The following DNAH7 variants were observed in gnomAD, a reference collection of about 807,000 sequenced individuals.
The protein encoded by DNAH7 is axonemal beta dynein heavy chain 7.
In DNAH7, 397 loss-of-function variants were observed where a neutral mutation model predicts 444.6. The observed-to-expected ratio is 0.89, with a 90% CI of 0.82 to 0.97. The LOEUF is 0.97. DNAH7 is among the 50% of genes least tolerant of loss of function. The pLI is 0.00. For missense variants in DNAH7, 4,902 were observed against 4,800.8 expected, an observed-to-expected ratio of 1.02 and a Z score of -0.62; for synonymous variants, 1,636 against 1,624.4, an observed-to-expected ratio of 1.01 and a Z score of -0.17.
At chr2:195,927,313 T>A (rs772602484) in intron 21 of DNAH7, among the ~76,000 whole-genome samples, 1 of 152,250 alleles carries the variant, frequency 6.6e-6, no homozygotes. Flanking sequence ...TCAGAAAAGA[T>A]TTCTTAGATT....
At chr2:196,058,001 TA>T in intron 2 of DNAH7, 52 bp downstream of exon 2, 1 of 1,309,738 alleles carries the variant, frequency 7.6e-7, no homozygotes, top group Non-Finnish European at 1.0e-6. Context: ...TGAAAAGTAG[TA>T]AACAAACATT....
chr2:195,790,477 A>AG (rs930586222), intron 57 of DNAH7, among the ~76,000 whole-genome samples: 57 of 151,784 alleles, frequency 3.8e-4, no homozygotes, highest in African/African-American at 1.2e-3. Context: ...AAAAAAAAAA[A>AG]AAAAGAAAAA....
At chr2:195,936,477 G>T in intron 20 of DNAH7, 122 bp downstream of exon 20, 1 of 577,390 alleles carries the variant, frequency 1.7e-6, no homozygotes, top group Non-Finnish European at 2.7e-6. Context: ...ATAATACTTG[G>T]AACATTCTTG....
At chr2:196,003,913 A>T in intron 10 of DNAH7, among the ~76,000 whole-genome samples, 1 of 152,190 alleles carries the variant, frequency 6.6e-6, no homozygotes. Flanking sequence ...TACTTTAAAA[A>T]TCAGTAATTG....
intron 57 of DNAH7, among the ~76,000 whole-genome samples, chr2:195,789,306 G>GA (rs534877231): frequency 1.1e-4 from 17 of 150,000 alleles, no homozygotes; most frequent in African/African-American, 4.9e-5. Context: ...CCATTGAGGG[G>GA]AAAAAAAAAG....
intron 1 of DNAH7, among the ~76,000 whole-genome samples, chr2:196,066,059 T>G (rs1451389447): frequency 6.6e-6 from 1 of 152,232 alleles, no homozygotes; most frequent in Non-Finnish European, 1.5e-5. Flanking sequence ...AAAATTAAAA[T>G]TGCTAAGGAG....
At chr2:195,817,459 C>A (rs1045379729) in intron 50 of DNAH7, among the ~76,000 whole-genome samples, 2 of 152,162 alleles carry the variant, frequency 1.3e-5, no homozygotes, top group Non-Finnish European at 2.9e-5. Context: ...AATACCCTGC[C>A]CTGACTTCTG....
At chr2:195,964,832 C>T (rs990007285) in intron 17 of DNAH7, among the ~76,000 whole-genome samples, 5 of 150,778 alleles carry the variant, frequency 3.3e-5, no homozygotes, top group East Asian at 1.9e-4. Flanking sequence ...GCCGAGGTCA[C>T]GCCACTTGCA....
intron 19 of DNAH7, among the ~76,000 whole-genome samples, chr2:195,956,624 C>T (rs1480863856): frequency 6.7e-6 from 1 of 149,246 alleles, no homozygotes; most frequent in Non-Finnish European, 1.5e-5. Flanking sequence ...GCACTCCAGC[C>T]TGGGTGACAG....
chr2:196,045,870 AAC>A (rs1327734010), intron 5 of DNAH7, among the ~76,000 whole-genome samples: 1 of 152,120 alleles, frequency 6.6e-6, no homozygotes, highest in Non-Finnish European at 1.5e-5. Flanking sequence ...ATAAATAGGA[AAC>A]ATAAAATACA....
chr2:195,962,632 G>A (rs1378114799), intron 17 of DNAH7, among the ~76,000 whole-genome samples: 1 of 152,214 alleles, frequency 6.6e-6, no homozygotes, highest in African/African-American at 2.4e-5. Flanking sequence ...TTAGAGGTGT[G>A]AGCCACTGTG....
In DNAH7 at chr2:195,897,767, TAAAA is replaced by T. The variant is rs61502519; in HGVS notation, c.4549-6_4549-3del. 228 of 1,144,536 alleles carry T rather than the reference TAAAA, an allele frequency of 2.0e-4. No individual in the cohort carries two copies. Among genetic ancestry groups the T allele is most frequent in the Admixed American group, 2.5e-4 (9 of 35,436 alleles). 70.9% of individuals were successfully genotyped at this position (1,144,536 alleles called of 1,614,324 possible). ...TTCATTTTCATTTGGATATTTCAGC[TAAAA>T]AAAAAAAAAAAAACTCATGAGGATA... On this transcript the variant is annotated splice_region_variant and splice_polypyrimidine_tract_variant and intron_variant, in intron 28 of 64. Transcript: ENST00000312428.
In DNAH7 at chr2:195,775,976, C is replaced by T; in HGVS notation, c.11072G>A (p.Ser3691Asn). The change falls in exon 60 of 65, where the codon AGC becomes AAC. Residue 3691 changes from serine (S) to asparagine (N), a missense_variant. Physicochemically the swap from Ser to Asn is conservative, Grantham distance 46. Coordinates refer to ENST00000312428, the MANE Select transcript of DNAH7 (RefSeq NM_018897.3). The part of the protein sequence containing the change: ...YFVPPSGDHK[S>N]YIEYTKTLPL... ...CAGAGTCTTTGTGTATTCGATGTAG[C>T]TTTTGTGCTGCAGAGATGAATAACA... is the stretch of plus-strand genomic sequence containing the variant. 1 of 1,613,878 alleles carries T rather than the reference C, an allele frequency of 6.2e-7. No individual in the cohort carries two copies. The highest frequency in any genetic ancestry group is 8.5e-7 in the Non-Finnish European group (1 of 1,179,948).
At chr2:196,029,686 C>T (rs1695916626) in intron 5 of DNAH7, among the ~76,000 whole-genome samples, 1 of 152,094 alleles carries the variant, frequency 6.6e-6, no homozygotes, top group African/African-American at 2.4e-5. Flanking sequence ...AATAACCTCC[C>T]CTTGGTCATA....
chr2:196,035,072 C>G (rs1488691170), intron 5 of DNAH7, among the ~76,000 whole-genome samples: 2 of 152,040 alleles, frequency 1.3e-5, no homozygotes, highest in African/African-American at 4.8e-5. Flanking sequence ...ATCCCAGGTA[C>G]TTGAGAGGCT....
In DNAH7 at chr2:195,771,824, A is replaced by G. The variant is rs1694855592; in HGVS notation, c.11269T>C (p.Leu3757=). The change falls in exon 61 of 65, where the codon TTG becomes CTG. Residue 3757 remains leucine, a synonymous_variant. Transcript: ENST00000312428. ...TCGAAGTTGTTTGGAAGTTTGCCCA[A>G]GATGTCACTAGCGACCTCATTCACT... The part of the protein sequence containing the change: ...EVVNEVASDI[L]GKLPNNFDIE... 4 of 1,614,056 alleles carry G rather than the reference A, an allele frequency of 2.5e-6. No individual in the cohort carries two copies. Among genetic ancestry groups the G allele is most frequent in the Non-Finnish European group, 3.4e-6 (4 of 1,180,040 alleles).
intron 1 of DNAH7, among the ~76,000 whole-genome samples, chr2:196,060,133 G>C (rs1011287275): frequency 1.3e-5 from 2 of 152,078 alleles, no homozygotes; most frequent in African/African-American, 4.8e-5. Context: ...CAGGAGAATG[G>C]TGTGAACCCA....
At chr2:196,033,489 T>C (rs560891999) in intron 5 of DNAH7, among the ~76,000 whole-genome samples, 6 of 152,338 alleles carry the variant, frequency 3.9e-5, no homozygotes, top group African/African-American at 9.6e-5. Flanking sequence ...GTAACAACCA[T>C]TCTACTCTCT....
intron 49 of DNAH7, among the ~76,000 whole-genome samples, chr2:195,821,172 A>G (rs554888849): frequency 1.4e-4 from 22 of 152,064 alleles, no homozygotes; most frequent in South Asian, 4.1e-4. Context: ...AAAAAAAAAA[A>G]AAGAAGAAGA....
Sources: allele counts gnomAD v4.1 joint callset (sites outside exome capture counted in the v4.1 genomes callset), GRCh38; gene constraint gnomAD v4.1.1; transcripts MANE v1.5; gene names NCBI Gene and HGNC (gene_info 2026-07-23, HGNC 2026-07-21).